The following EYS variants were observed in gnomAD, a reference collection of about 807,000 sequenced individuals.
EYS encodes EGF-like photoreceptor maintenance factor.
EYS carries 250 observed loss-of-function variants against 282.1 expected under a neutral mutation model. The ratio of observed to expected loss-of-function variants is 0.89; its 90% CI spans 0.80 to 0.98. The LOEUF (loss-of-function observed/expected upper bound fraction) is 0.98. Among genes scored for constraint, EYS ranks in the 50% least tolerant of loss-of-function variants. EYS has a pLI of 0.00. For missense variants in EYS, 4,016 were observed against 3,709.0 expected (o/e 1.08, Z -2.15); for synonymous variants, 1,355 against 1,282.9 (o/e 1.06, Z -1.20).
intron 28 of EYS, among the ~76,000 whole-genome samples, chr6:64,422,762 G>A (rs780564271): frequency 4.2e-4 from 64 of 152,138 alleles, no homozygotes; most frequent in Non-Finnish European, 6.6e-4. Flanking sequence ...TAATGTCTAT[G>A]TTAATCTTGT....
At chr6:65,369,300 A>T (rs1380948739) in intron 8 of EYS, among the ~76,000 whole-genome samples, 4 of 71,596 alleles carry the variant, frequency 5.6e-5, no homozygotes, top group Non-Finnish European at 1.2e-4. Flanking sequence ...ATATATATTT[A>T]TGTATAATAT....
intron 22 of EYS, among the ~76,000 whole-genome samples, chr6:64,802,030 T>TG (rs1275688544): frequency 0.027 from 3,129 of 115,742 alleles, 142 homozygotes; most frequent in African/African-American, 0.1. Context: ...TTTCTTTTTT[T>TG]TTCTTTTTTT....
chr6:63,802,000 T>C (rs1479949663), intron 37 of EYS, among the ~76,000 whole-genome samples: 1 of 152,188 alleles, frequency 6.6e-6, no homozygotes, highest in Non-Finnish European at 1.5e-5. Flanking sequence ...AACCAATATG[T>C]AGGTTAAAGA....
rs548736273 is a variant in EYS at position 63,823,337 on chromosome 6, C to A, written c.7229-16965G>T. ...TGAAATAATCTGTTCTTAATACATA[C>A]GATGAAATACTTACAAATGTGCATT... is the stretch of plus-strand genomic sequence containing the variant. On this transcript the variant is annotated intron_variant, in intron 36 of 42. Transcript: ENST00000503581. 1.4e-4 allele frequency among the ~76,000 whole-genome samples: 22 copies of A among 152,174 alleles called. No homozygotes were observed. The South Asian group carries it at 3.9e-3, about 27-fold the overall frequency.
chr6:64,362,386 A>T (rs1772046417), intron 29 of EYS, among the ~76,000 whole-genome samples: 1 of 151,788 alleles, frequency 6.6e-6, no homozygotes, highest in African/African-American at 2.4e-5. Flanking sequence ...GTTACAAAAA[A>T]GAAAGGGTCT....
In EYS at chr6:65,663,218, A is replaced by T. The variant is rs148295398; in HGVS notation, c.-447-23326T>A. On this transcript the variant is annotated intron_variant, in intron 1 of 42. Coordinates refer to ENST00000503581, the MANE Select transcript of EYS (RefSeq NM_001142800.2). ...AGCCTCTAAAAATTCATGCTAGTTT[A>T]GAAGTATGTCTGTGTTTAGGTATCT... Among the ~76,000 whole-genome samples, 13 of 152,290 alleles carry T rather than the reference A, an allele frequency of 8.5e-5. No homozygotes were observed. In the East Asian group the frequency reaches 2.5e-3, roughly 29 times the overall value.
chr6:64,667,980 C>A (rs1226096370), intron 22 of EYS, among the ~76,000 whole-genome samples: 1 of 152,062 alleles, frequency 6.6e-6, no homozygotes, highest in Non-Finnish European at 1.5e-5. Context: ...GTTACCCATC[C>A]CAGAGTTTTT....
At chr6:65,135,124 G>C (rs1775988025) in intron 12 of EYS, among the ~76,000 whole-genome samples, 1 of 151,970 alleles carries the variant, frequency 6.6e-6, no homozygotes, top group African/African-American at 2.4e-5. Flanking sequence ...TCTTATTTTG[G>C]AAAATTGATT....
chr6:64,569,026 G>GAAAAAAAAAAAAA (rs4034162), intron 26 of EYS, among the ~76,000 whole-genome samples: 1 of 101,728 alleles, frequency 9.8e-6, no homozygotes, highest in African/African-American at 3.9e-5. Flanking sequence ...AGATGGAAAA[G>GAAAAAAAAAAAAA]AAAAAAAAAA....
chr6:64,069,585 G>A (rs1771498435), intron 32 of EYS, among the ~76,000 whole-genome samples: 1 of 151,884 alleles, frequency 6.6e-6, no homozygotes, highest in South Asian at 2.1e-4. Context: ...CTTCAGAAAT[G>A]GCCAGCATTA....
intron 2 of EYS, among the ~76,000 whole-genome samples, chr6:65,621,516 G>GTT (rs529850059): frequency 1.5e-3 from 228 of 150,164 alleles, no homozygotes; most frequent in African/African-American, 5.3e-3. Context: ...CAATTTGCCA[G>GTT]TCTGTGTCTT....
At chr6:64,298,536 C>A (rs1015986682) in intron 30 of EYS, among the ~76,000 whole-genome samples, 1 of 151,528 alleles carries the variant, frequency 6.6e-6, no homozygotes, top group Non-Finnish European at 1.5e-5. Context: ...TAGCTATATA[C>A]AAAATAAAAT....
intron 26 of EYS, among the ~76,000 whole-genome samples, chr6:64,555,358 G>T (rs950519021): frequency 3.3e-5 from 5 of 151,704 alleles, no homozygotes; most frequent in African/African-American, 1.2e-4. Context: ...TAATGGGGGG[G>T]TAGAGAAGTG....
At chr6:64,265,389 A>G (rs963356693) in intron 30 of EYS, among the ~76,000 whole-genome samples, 7 of 152,142 alleles carry the variant, frequency 4.6e-5, no homozygotes, top group East Asian at 1.9e-4. Flanking sequence ...ATTGATCACA[A>G]TAAACTCTGA....
chr6:65,137,158 A>G (rs1194793484), intron 12 of EYS, among the ~76,000 whole-genome samples: 1 of 152,112 alleles, frequency 6.6e-6, no homozygotes, highest in Non-Finnish European at 1.5e-5. Flanking sequence ...CCAATGTATA[A>G]GTAAATAAAA....
At chr6:65,574,404 A>G (rs1764585942) in intron 2 of EYS, among the ~76,000 whole-genome samples, 3 of 152,210 alleles carry the variant, frequency 2.0e-5, no homozygotes. Flanking sequence ...ATAAGAATGT[A>G]TGTACACTGA....
chr6:64,531,638 A>G (rs1006517795), intron 26 of EYS, among the ~76,000 whole-genome samples: 2 of 147,992 alleles, frequency 1.4e-5, no homozygotes, highest in Non-Finnish European at 3.0e-5. Flanking sequence ...TCACCGTGTT[A>G]GCCAGGATGG....
At position 64,947,006 on chromosome 6, in the gene EYS, T is replaced by C. The variant is rs114981736; in HGVS notation, c.2260-1092A>G. Among the ~76,000 whole-genome samples, 1,460 of 151,990 alleles carry C rather than the reference T, an allele frequency of 9.6e-3. 24 individuals carry two copies. The highest frequency in any genetic ancestry group is 0.034 in the African/African-American group (1,396 of 41,528). On this transcript the variant is annotated intron_variant, in intron 14 of 42. Transcript: ENST00000503581. Reference sequence around the variant, plus strand: ...TTGAGTTAGATAATGCCAGCCCAGTTTCTCCATTTGTGGATAGAGTTAAGA... The same window carrying C: ...TTGAGTTAGATAATGCCAGCCCAGTCTCTCCATTTGTGGATAGAGTTAAGA...
chr6:64,269,660 A>G (rs13340421), intron 30 of EYS, among the ~76,000 whole-genome samples: 13 of 152,204 alleles, frequency 8.5e-5, no homozygotes, highest in African/African-American at 2.4e-4. Context: ...TGTCAGTCAA[A>G]TGATTTTTAG....
Sources: gnomAD v4.1 joint callset for allele counts (sites outside exome capture counted in the v4.1 genomes callset) on GRCh38, gnomAD v4.1.1 for gene constraint, MANE v1.5 for transcripts, NCBI Gene and HGNC (gene_info 2026-07-23, HGNC 2026-07-21) for gene names.